The following CDH8 variants were observed in gnomAD, a reference collection of about 807,000 sequenced individuals.
CDH8 encodes cadherin-8.
CDH8 carries 17 observed loss-of-function variants against 68.1 expected under a neutral mutation model. The observed-to-expected ratio is 0.25, with a 90% CI of 0.17 to 0.37. CDH8 has a LOEUF of 0.37. Ranked by LOEUF, CDH8 falls within the 10% of genes least tolerant of loss-of-function variation. The pLI is 1.00. For synonymous variants in CDH8, 372 were observed against 365.1 expected (o/e 1.02, Z -0.21); for missense variants, 763 against 999.3 (o/e 0.76, Z 3.19).
intron 2 of CDH8, among the ~76,000 whole-genome samples, chr16:61,918,891 A>G (rs986981575): frequency 2.0e-5 from 3 of 150,618 alleles, no homozygotes; most frequent in Non-Finnish European, 4.4e-5. Context: ...AGACAGCAGT[A>G]ACCTCTGTAG....
At position 61,689,828 on chromosome 16, in the gene CDH8, T is replaced by C. The variant is rs546092551; in HGVS notation, c.1654+24013A>G. 3.3e-5 allele frequency among the ~76,000 whole-genome samples: 5 copies of C among 152,168 alleles called. No homozygotes were observed. In the East Asian group the frequency reaches 9.7e-4, roughly 30 times the overall value. On this transcript the variant is annotated intron_variant, in intron 10 of 11. Coordinates refer to ENST00000577390, the MANE Select transcript of CDH8 (RefSeq NM_001796.5). The stretch of plus-strand genomic sequence containing the variant: ...AATACTATGAGGATGGTTTTACTAA[T>C]ACATTTTTTTTTCAGATAAAGACTT...
At chr16:61,844,016 G>A (rs1488988365) in intron 4 of CDH8, among the ~76,000 whole-genome samples, 1 of 151,888 alleles carries the variant, frequency 6.6e-6, no homozygotes, top group Non-Finnish European at 1.5e-5. Context: ...GCAAAGACTT[G>A]GAACCAACCG....
At chr16:61,759,353 A>G (rs991483125) in intron 8 of CDH8, among the ~76,000 whole-genome samples, 3 of 151,920 alleles carry the variant, frequency 2.0e-5, no homozygotes, top group African/African-American at 4.8e-5. Context: ...AAGGAGGAAG[A>G]AGGAGGAAGA....
chr16:61,676,316 T>C (rs1963910017), intron 10 of CDH8, among the ~76,000 whole-genome samples: 1 of 151,838 alleles, frequency 6.6e-6, no homozygotes, highest in African/African-American at 2.4e-5. Flanking sequence ...GAAGTGGCTA[T>C]ATTAATATCA....
chr16:61,746,204 A>C (rs901887145), intron 8 of CDH8, among the ~76,000 whole-genome samples: 1 of 152,002 alleles, frequency 6.6e-6, no homozygotes, highest in East Asian at 1.9e-4. Flanking sequence ...ATTCTTCTCT[A>C]ATTATCTTTG....
At chr16:61,686,263 T>A (rs1228043119) in intron 10 of CDH8, among the ~76,000 whole-genome samples, 2 of 152,014 alleles carry the variant, frequency 1.3e-5, no homozygotes. Flanking sequence ...CTTCTTACTC[T>A]ATTTTCATAG....
rs542163588 is a variant in CDH8 at position 61,936,317 on chromosome 16, T to A, written c.253-34844A>T. ...AAGCATGAGTTATGGGGCATTCAGGTAAACAATTATATAGTGCTGAAAATA... is the reference window on the plus strand; with the variant it reads ...AAGCATGAGTTATGGGGCATTCAGGAAAACAATTATATAGTGCTGAAAATA... On this transcript the variant is annotated intron_variant, in intron 2 of 11. Transcript: ENST00000577390. 3.9e-5 allele frequency among the ~76,000 whole-genome samples: 6 copies of A among 152,192 alleles called. No individual in the cohort carries two copies. In the East Asian group the frequency reaches 9.7e-4, roughly 25 times the overall value.
intron 2 of CDH8, among the ~76,000 whole-genome samples, chr16:61,982,896 T>TA: frequency 6.6e-6 from 1 of 152,312 alleles, no homozygotes; most frequent in South Asian, 2.1e-4. Context: ...GTAAGGCATA[T>TA]TTTTATAAAG....
chr16:62,019,920 AG>A (rs1226649750), intron 2 of CDH8, among the ~76,000 whole-genome samples: 74 of 152,350 alleles, frequency 4.9e-4, no homozygotes, highest in African/African-American at 1.7e-3. Flanking sequence ...CCTTAAAGGC[AG>A]AGATCACTGT....
intron 7 of CDH8, among the ~76,000 whole-genome samples, chr16:61,799,715 G>GAA (rs1407488236): frequency 6.6e-6 from 1 of 152,002 alleles, no homozygotes; most frequent in African/African-American, 2.4e-5. Context: ...CATATTTGAG[G>GAA]AAAGCATGCA....
At chr16:61,758,631 C>T (rs1960382374) in intron 8 of CDH8, among the ~76,000 whole-genome samples, 1 of 152,044 alleles carries the variant, frequency 6.6e-6, no homozygotes, top group Non-Finnish European at 1.5e-5. Flanking sequence ...CAGGGTTTCT[C>T]CATGTTGGCC....
At chr16:61,899,059 A>C (rs370632206) in intron 3 of CDH8, among the ~76,000 whole-genome samples, 3 of 152,262 alleles carry the variant, frequency 2.0e-5, no homozygotes. Context: ...TGCACGTGCC[A>C]TGGTGATTTG....
chr16:61,789,289 T>G, intron 8 of CDH8, 57 bp downstream of exon 8: 1 of 1,506,880 alleles, frequency 6.6e-7, no homozygotes, highest in Admixed American at 1.9e-5. Context: ...ACGTTATTAA[T>G]AAGCATAAAT....
intron 4 of CDH8, among the ~76,000 whole-genome samples, chr16:61,833,605 C>G (rs1962508359): frequency 6.6e-6 from 1 of 151,892 alleles, no homozygotes; most frequent in Non-Finnish European, 1.5e-5. Context: ...TTCTCTTATT[C>G]AAATCTTTAC....
At chr16:61,847,236 G>A (rs940341149) in intron 4 of CDH8, among the ~76,000 whole-genome samples, 1 of 151,916 alleles carries the variant, frequency 6.6e-6, no homozygotes, top group African/African-American at 2.4e-5. Context: ...GCCCTGCAAT[G>A]CATAGTGAGG....
chr16:61,914,689 G>A lies in CDH8; in HGVS notation c.253-13216C>T, dbSNP rs1375912271. Among the ~76,000 whole-genome samples the A allele has an allele frequency of 6.6e-5, 10 of 150,504 alleles. No homozygotes were observed. In the East Asian group the frequency reaches 7.8e-4, roughly 12 times the overall value. On this transcript the variant is annotated intron_variant, in intron 2 of 11. Coordinates refer to ENST00000577390, the MANE Select transcript of CDH8 (RefSeq NM_001796.5). ...GTATACATATGTAACAAACCTGCAC[G>A]TTGTGCACATGTACCCTAGAACTGA...
chr16:61,792,761 T>C (rs562915768), intron 7 of CDH8, among the ~76,000 whole-genome samples: 1 of 152,114 alleles, frequency 6.6e-6, no homozygotes, highest in Non-Finnish European at 1.5e-5. Flanking sequence ...TAATAGTCCC[T>C]GGCTAACAAG....
intron 2 of CDH8, among the ~76,000 whole-genome samples, chr16:61,969,134 A>T (rs1179481588): frequency 6.6e-6 from 1 of 152,196 alleles, no homozygotes; most frequent in East Asian, 1.9e-4. Flanking sequence ...TGTGTTAAAA[A>T]GCCCTATCTC....
intron 1 of CDH8, among the ~76,000 whole-genome samples, chr16:62,031,371 T>C (rs1180014891): frequency 6.6e-6 from 1 of 152,144 alleles, no homozygotes; most frequent in Admixed American, 6.5e-5. Context: ...TAAGTCAAAA[T>C]ATTGAACTTT....
Sources: gnomAD v4.1 joint callset for allele counts (sites outside exome capture counted in the v4.1 genomes callset) on GRCh38, gnomAD v4.1.1 for gene constraint, MANE v1.5 for transcripts, NCBI Gene and HGNC (gene_info 2026-07-23, HGNC 2026-07-21) for gene names.